MARCHF1: variants seen among roughly 807,000 people sequenced by gnomAD.
The protein encoded by MARCHF1 is membrane associated ring-CH-type finger 1.
A neutral mutation model predicts 54.2 loss-of-function variants in MARCHF1; 40 were observed. The observed-to-expected ratio is 0.74, with a 90% confidence interval of 0.57 to 0.96. The LOEUF is 0.96. Ranked by LOEUF, MARCHF1 falls within the 40% of genes least tolerant of loss-of-function variation. The probability of loss-of-function intolerance (pLI) is 0.00; values close to 1 mark genes in which losing one functional copy is unlikely to be tolerated. For synonymous variants in MARCHF1, 236 were observed against 236.3 expected, an observed-to-expected ratio of 1.00 and a Z score of 0.01; for missense variants, 586 against 656.5, an observed-to-expected ratio of 0.89 and a Z score of 1.17.
chr4:164,348,986 C>T (rs747923267), intron 1 of MARCHF1, among the ~76,000 whole-genome samples: 1 of 152,072 alleles, frequency 6.6e-6, no homozygotes, highest in Non-Finnish European at 1.5e-5. Context: ...GTAAGCAATG[C>T]TTTATTATAC....
intron 4 of MARCHF1, among the ~76,000 whole-genome samples, chr4:163,713,247 C>A (rs752468069): frequency 6.6e-6 from 1 of 151,852 alleles, no homozygotes; most frequent in Non-Finnish European, 1.5e-5. Context: ...CAAATTTAAT[C>A]TTTTTACATA....
chr4:164,228,354 CAT>C (rs1183371466), intron 1 of MARCHF1, among the ~76,000 whole-genome samples: 8 of 152,184 alleles, frequency 5.3e-5, no homozygotes, highest in East Asian at 1.9e-4. Flanking sequence ...GAATTAAACA[CAT>C]GAGTTGACCT....
chr4:164,351,147 C>T (rs35233860), intron 1 of MARCHF1, among the ~76,000 whole-genome samples: 64,844 of 151,164 alleles, frequency 0.43, 14,723 homozygotes, highest in Non-Finnish European at 0.5. Context: ...AGCACAGCAG[C>T]CTGAGATCAA....
chr4:163,822,158 C>T (rs944843694), intron 4 of MARCHF1, among the ~76,000 whole-genome samples: 1 of 151,632 alleles, frequency 6.6e-6, no homozygotes, highest in Non-Finnish European at 1.5e-5. Context: ...AGTTGAGAAC[C>T]TAAAGGGAGC....
At chr4:163,876,098 A>G (rs1316835402) in intron 3 of MARCHF1, among the ~76,000 whole-genome samples, 2 of 152,176 alleles carry the variant, frequency 1.3e-5, no homozygotes, top group East Asian at 3.8e-4. Flanking sequence ...AAATTATATC[A>G]TGACAAACCC....
At chr4:163,882,669 A>C (rs1375329432) in intron 3 of MARCHF1, among the ~76,000 whole-genome samples, 1 of 152,106 alleles carries the variant, frequency 6.6e-6, no homozygotes, top group Non-Finnish European at 1.5e-5. Context: ...CACCACATTA[A>C]AATTTTAACA....
intron 4 of MARCHF1, among the ~76,000 whole-genome samples, chr4:163,804,868 C>G (rs1015177096): frequency 1.1e-4 from 16 of 152,310 alleles, no homozygotes; most frequent in Middle Eastern, 3.4e-3. Flanking sequence ...ATGTACTACT[C>G]TCATTGTTCT....
chr4:163,748,333 A>C (rs1013847004), intron 4 of MARCHF1, among the ~76,000 whole-genome samples: 5 of 152,086 alleles, frequency 3.3e-5, no homozygotes, highest in Non-Finnish European at 7.4e-5. Flanking sequence ...AGAATGAGGT[A>C]AAGGCTACAT....
chr4:163,858,822 T>G (rs769267824), intron 3 of MARCHF1, among the ~76,000 whole-genome samples: 2 of 152,200 alleles, frequency 1.3e-5, no homozygotes, highest in Non-Finnish European at 2.9e-5. Flanking sequence ...TCCTTACACA[T>G]GAATTGTTCC....
intron 2 of MARCHF1, among the ~76,000 whole-genome samples, chr4:164,043,454 C>T (rs1448354352): frequency 2.6e-5 from 4 of 152,172 alleles, no homozygotes; most frequent in Non-Finnish European, 5.9e-5. Context: ...GGAGCTGGAG[C>T]AGCTGTGACA....
At chr4:163,874,356 C>A (rs908057238) in intron 3 of MARCHF1, among the ~76,000 whole-genome samples, 17 of 151,876 alleles carry the variant, frequency 1.1e-4, no homozygotes, top group Admixed American at 1.1e-3. Flanking sequence ...TTTGGTAGTT[C>A]CAGCATGTAG....
chr4:163,730,546 G>T (rs922168043), intron 4 of MARCHF1, among the ~76,000 whole-genome samples: 1 of 151,682 alleles, frequency 6.6e-6, no homozygotes, highest in African/African-American at 2.4e-5. Flanking sequence ...CTCAAGATTT[G>T]GTTTTTTTAT....
At chr4:164,255,252 A>G (rs1733245634) in intron 1 of MARCHF1, among the ~76,000 whole-genome samples, 1 of 152,138 alleles carries the variant, frequency 6.6e-6, no homozygotes. Context: ...CCACAAGTCT[A>G]TAATTATTTC....
rs954704672 is a variant in MARCHF1 at position 164,196,550 on chromosome 4, G to C, written c.-322-84888C>G. Among the ~76,000 whole-genome samples the C allele has an allele frequency of 7.9e-5, 12 of 151,924 alleles. 1 individual carries two copies. Among genetic ancestry groups the C allele is most frequent in the Admixed American group, 7.2e-4 (11 of 15,242 alleles). On this transcript the variant is annotated intron_variant, in intron 1 of 9. Coordinates refer to ENST00000514618, the MANE Select transcript of MARCHF1 (RefSeq NM_001394959.1). ...TTAAATTTTTAGCAACATTTTCATT[G>C]TAAATATTTTCTTTCCTCTTTTTGT...
chr4:164,355,907 A>C (rs1300797076), intron 1 of MARCHF1, among the ~76,000 whole-genome samples: 1 of 123,454 alleles, frequency 8.1e-6, no homozygotes, highest in African/African-American at 2.8e-5. Flanking sequence ...ATGAACTCTA[A>C]CAAATTTACA....
chr4:163,639,876 T>C (rs1376397181), intron 5 of MARCHF1, among the ~76,000 whole-genome samples: 1 of 152,144 alleles, frequency 6.6e-6, no homozygotes, highest in Non-Finnish European at 1.5e-5. Flanking sequence ...AGCTATTTTG[T>C]TGGTGAAGAG....
At chr4:163,843,566 T>C (rs1227384534) in intron 4 of MARCHF1, among the ~76,000 whole-genome samples, 2 of 152,032 alleles carry the variant, frequency 1.3e-5, no homozygotes, top group African/African-American at 2.4e-5. Flanking sequence ...CCAGGGTACA[T>C]GTGCAGGATG....
At chr4:164,326,739 A>T (rs1418950727) in intron 1 of MARCHF1, among the ~76,000 whole-genome samples, 1 of 152,246 alleles carries the variant, frequency 6.6e-6, no homozygotes, top group Non-Finnish European at 1.5e-5. Flanking sequence ...GGCAACTAAC[A>T]CATTTTCAAT....
chr4:164,120,717 T>G (rs1474998983), intron 1 of MARCHF1, among the ~76,000 whole-genome samples: 2 of 151,960 alleles, frequency 1.3e-5, no homozygotes, highest in Non-Finnish European at 2.9e-5. Flanking sequence ...AATTAAACAA[T>G]ATGCTCCCGA....
Sources: gnomAD v4.1 joint callset for allele counts (sites outside exome capture counted in the v4.1 genomes callset) on GRCh38, gnomAD v4.1.1 for gene constraint, MANE v1.5 for transcripts, NCBI Gene and HGNC (gene_info 2026-07-23, HGNC 2026-07-21) for gene names.